GSG1L: variants seen among roughly 807,000 people sequenced by gnomAD.
The protein encoded by GSG1L is GSG1 like.
GSG1L carries 24 observed loss-of-function variants against 42.1 expected under a neutral mutation model. That is an observed-to-expected ratio of 0.57 (90% confidence interval 0.41 to 0.80). The LOEUF is 0.80. Among genes scored for constraint, GSG1L ranks in the 30% least tolerant of loss-of-function variants. The pLI is 0.00. For missense variants in GSG1L, 445 were observed against 472.2 expected, an observed-to-expected ratio of 0.94 and a Z score of 0.53; for synonymous variants, 215 against 203.5, an observed-to-expected ratio of 1.06 and a Z score of -0.48.
chr16:28,013,204 A>G (rs912003933), intron 1 of GSG1L, among the ~76,000 whole-genome samples: 1 of 141,062 alleles, frequency 7.1e-6, no homozygotes, highest in Non-Finnish European at 1.5e-5. Context: ...GGGCCACAAG[A>G]GCAAAACTCT....
At chr16:27,802,463 C>T (rs2082894291) in intron 6 of GSG1L, among the ~76,000 whole-genome samples, 1 of 152,164 alleles carries the variant, frequency 6.6e-6, no homozygotes, top group South Asian at 2.1e-4. Flanking sequence ...ACGGCCATCC[C>T]TGCTAATGCT....
chr16:27,802,725 C>T (rs963312913), intron 6 of GSG1L, among the ~76,000 whole-genome samples: 3 of 152,134 alleles, frequency 2.0e-5, no homozygotes, highest in African/African-American at 7.2e-5. Context: ...CCATACTGTA[C>T]TGCAGCCTCA....
At chr16:27,947,325 G>C (rs1487576175) in intron 2 of GSG1L, among the ~76,000 whole-genome samples, 2 of 148,742 alleles carry the variant, frequency 1.3e-5, no homozygotes, top group African/African-American at 5.0e-5. Flanking sequence ...ACAGCTTCCT[G>C]ATCTGAAAAA....
At chr16:28,032,943 T>C (rs1480856179) in intron 1 of GSG1L, among the ~76,000 whole-genome samples, 5 of 152,188 alleles carry the variant, frequency 3.3e-5, no homozygotes, top group African/African-American at 1.2e-4. Context: ...TCAATCAGAA[T>C]GCACTTTTGT....
At chr16:28,045,347 A>G (rs979597510) in intron 1 of GSG1L, among the ~76,000 whole-genome samples, 5 of 152,194 alleles carry the variant, frequency 3.3e-5, no homozygotes, top group African/African-American at 9.6e-5. Flanking sequence ...TCGATACTCC[A>G]TGCTCAATTT....
intron 3 of GSG1L, among the ~76,000 whole-genome samples, chr16:27,850,801 TTTTTTTTTTA>T (rs1231531642): frequency 1.3e-5 from 1 of 76,530 alleles, no homozygotes; most frequent in Non-Finnish European, 2.4e-5. Flanking sequence ...ATCATCTACC[TTTTTTTTTTA>T]TTTTTTTTTT....
chr16:28,001,662 T>C (rs140602807), intron 1 of GSG1L, among the ~76,000 whole-genome samples: 1 of 152,190 alleles, frequency 6.6e-6, no homozygotes, highest in Admixed American at 6.5e-5. Context: ...ATGTGAATCA[T>C]AGTCCCTTAC....
Position 27,950,825 on chromosome 16 carries a change from C to T in GSG1L, c.397+12331G>A, listed in dbSNP as rs191210192. On this transcript the variant is annotated intron_variant, in intron 2 of 6. Coordinates refer to ENST00000447459, the MANE Select transcript of GSG1L (RefSeq NM_001109763.2). The stretch of plus-strand genomic sequence containing the variant: ...AGGCTGTTCATTCTACTGGGACTTC[C>T]TCTGACACCCCTCATGCACGAGAAG... 3.3e-5 allele frequency among the ~76,000 whole-genome samples: 5 copies of T among 152,256 alleles called. No individual in the cohort carries two copies. In the East Asian group the frequency reaches 9.7e-4, roughly 29 times the overall value.
At chr16:27,958,942 T>C (rs2085036376) in intron 2 of GSG1L, among the ~76,000 whole-genome samples, 1 of 152,210 alleles carries the variant, frequency 6.6e-6, no homozygotes. Flanking sequence ...CCCAAAGTGC[T>C]GGGATTACAG....
chr16:27,934,890 A>G (rs113687402), intron 2 of GSG1L, among the ~76,000 whole-genome samples: 1 of 152,214 alleles, frequency 6.6e-6, no homozygotes, highest in African/African-American at 2.4e-5. Flanking sequence ...TGTAGCTCAC[A>G]TATTTTCTGG....
At chr16:27,870,840 T>A (rs2083811405) in intron 3 of GSG1L, among the ~76,000 whole-genome samples, 1 of 151,320 alleles carries the variant, frequency 6.6e-6, no homozygotes, top group South Asian at 2.1e-4. Flanking sequence ...CCATCCACAG[T>A]CCTCCGTTCC....
chr16:28,007,254 C>T (rs1004897238), intron 1 of GSG1L, among the ~76,000 whole-genome samples: 6 of 151,988 alleles, frequency 3.9e-5, no homozygotes, highest in Non-Finnish European at 8.8e-5. Context: ...AGAGAGAAGC[C>T]AGAGAATCAA....
At chr16:27,862,916 T>C (rs1345749039) in intron 3 of GSG1L, among the ~76,000 whole-genome samples, 1 of 152,172 alleles carries the variant, frequency 6.6e-6, no homozygotes, top group Non-Finnish European at 1.5e-5. Flanking sequence ...GAAATAAACA[T>C]ATATTCTCTA....
intron 1 of GSG1L, among the ~76,000 whole-genome samples, chr16:28,055,283 G>A (rs2086267058): frequency 6.6e-6 from 1 of 152,100 alleles, no homozygotes; most frequent in African/African-American, 2.4e-5. Context: ...AGCCTCCTGA[G>A]TAGCTGGGAC....
chr16:28,035,698 G>A (rs1268515831), intron 1 of GSG1L, among the ~76,000 whole-genome samples: 1 of 152,152 alleles, frequency 6.6e-6, no homozygotes, highest in Non-Finnish European at 1.5e-5. Context: ...TTTTCCAGAG[G>A]CTGCAAATGA....
intron 5 of GSG1L, among the ~76,000 whole-genome samples, chr16:27,809,015 T>C (rs2083000200): frequency 6.6e-6 from 1 of 152,204 alleles, no homozygotes; most frequent in African/African-American, 2.4e-5. Flanking sequence ...CATGCATTTG[T>C]AACCCAGGTA....
intron 1 of GSG1L, among the ~76,000 whole-genome samples, chr16:28,004,474 G>GA (rs34685470): frequency 0.013 from 1,753 of 137,224 alleles, 15 homozygotes; most frequent in Non-Finnish European, 0.018. Context: ...AGTGAGTGAG[G>GA]AAAAAAAAAA....
intron 1 of GSG1L, among the ~76,000 whole-genome samples, chr16:28,028,459 C>T (rs2085924007): frequency 6.6e-6 from 1 of 151,930 alleles, no homozygotes; most frequent in African/African-American, 2.4e-5. Flanking sequence ...CTGTTTACCA[C>T]TGCCTCATTC....
chr16:27,997,910 A>G (rs961805872), intron 1 of GSG1L, among the ~76,000 whole-genome samples: 2 of 125,658 alleles, frequency 1.6e-5, no homozygotes, highest in Non-Finnish European at 3.2e-5. Context: ...CCCAGGCTGG[A>G]GTGCAGCGGC....
Sources: gnomAD v4.1 joint callset for allele counts (sites outside exome capture counted in the v4.1 genomes callset) on GRCh38, gnomAD v4.1.1 for gene constraint, MANE v1.5 for transcripts, NCBI Gene and HGNC (gene_info 2026-07-23, HGNC 2026-07-21) for gene names.